The following PSMA8 variants were observed in gnomAD, a reference collection of about 807,000 sequenced individuals.
PSMA8 encodes proteasome subunit alpha-type 8.
PSMA8 carries 18 observed loss-of-function variants against 32.4 expected under a neutral mutation model. That is an observed-to-expected ratio of 0.56 (90% confidence interval 0.38 to 0.82). The LOEUF (loss-of-function observed/expected upper bound fraction) is 0.82, where lower values mean the gene tolerates loss of function less well. Ranked by LOEUF, PSMA8 falls within the 40% of genes least tolerant of loss-of-function variation. PSMA8 has a pLI of 0.00. For synonymous variants in PSMA8, 104 were observed against 98.1 expected (o/e 1.06, Z -0.36); for missense variants, 298 against 300.7 (o/e 0.99, Z 0.07).
intron 2 of PSMA8, among the ~76,000 whole-genome samples, chr18:26,146,195 G>GT (rs2144282623): frequency 6.8e-6 from 1 of 148,056 alleles, no homozygotes; most frequent in African/African-American, 2.5e-5. Flanking sequence ...CTTCTGATTG[G>GT]GTTTTTTTTT....
At chr18:26,182,682 T>C (rs1407616197) in intron 6 of PSMA8, among the ~76,000 whole-genome samples, 1 of 152,202 alleles carries the variant, frequency 6.6e-6, no homozygotes. Context: ...TCAAGAAATA[T>C]GGCCAGGCAT....
chr18:26,150,450 G>A (rs780422727), intron 2 of PSMA8, among the ~76,000 whole-genome samples: 2 of 151,494 alleles, frequency 1.3e-5, no homozygotes, highest in South Asian at 2.1e-4. Flanking sequence ...CAATCCCCCC[G>A]CCGCAGCCTC....
At chr18:26,142,379 C>T (rs1244712435) in intron 1 of PSMA8, among the ~76,000 whole-genome samples, 1 of 152,072 alleles carries the variant, frequency 6.6e-6, no homozygotes, top group Non-Finnish European at 1.5e-5. Context: ...GACTACAAAG[C>T]AATTATAAAC....
At chr18:26,177,466 G>A (rs539069966) in intron 4 of PSMA8, among the ~76,000 whole-genome samples, 1 of 152,266 alleles carries the variant, frequency 6.6e-6, no homozygotes, top group South Asian at 2.1e-4. Context: ...TTTTGTGATG[G>A]TTAGATGAGA....
chr18:26,158,477 G>A (rs951621549), intron 4 of PSMA8, among the ~76,000 whole-genome samples: 1 of 152,102 alleles, frequency 6.6e-6, no homozygotes, highest in African/African-American at 2.4e-5. Flanking sequence ...GTTTATAAAT[G>A]GCCAAGTAAG....
chr18:26,163,211 GTGTATATATA>G (rs1352634665), intron 4 of PSMA8, among the ~76,000 whole-genome samples: 2 of 94,636 alleles, frequency 2.1e-5, no homozygotes, highest in Admixed American at 1.2e-4. Context: ...TTATGTGTGT[GTGTATATATA>G]TATATATATA....
At chr18:26,183,266 C>T (rs1376286100) in intron 6 of PSMA8, among the ~76,000 whole-genome samples, 1 of 147,666 alleles carries the variant, frequency 6.8e-6, no homozygotes, top group African/African-American at 2.5e-5. Flanking sequence ...GTGGTGGGCA[C>T]CTGTAATCCC....
chr18:26,134,343 GTGTGTGTGTGTGTGTGTGTGTCTC>G (rs1390864408), intron 1 of PSMA8, among the ~76,000 whole-genome samples: 31 of 141,674 alleles, frequency 2.2e-4, no homozygotes, highest in Admixed American at 1.7e-3. Flanking sequence ...GTGTGTGGGT[GTGTGTGTGTGTGTGTGTGTGTCTC>G]TGTGTGTGTG....
intron 4 of PSMA8, chr18:26,170,771 C>T: frequency 2.6e-6 from 4 of 1,549,526 alleles, no homozygotes; most frequent in Non-Finnish European, 3.4e-6. Context: ...TGCCTTTCTC[C>T]TCCTGGACAT....
Position 26,171,375 on chromosome 18 carries a change from A to G in PSMA8, c.478-7455A>G, listed in dbSNP as rs541465551. The G allele has an allele frequency of 1.4e-4, 185 of 1,313,102 alleles. 11 individuals carry two copies. Among genetic ancestry groups the G allele is most frequent in the South Asian group, 2.6e-4 (22 of 84,262 alleles). The allele number at this position is 1,313,102 out of a possible 1,614,324, so 81.3% of individuals were successfully genotyped here. ...GAAATTGTCGGTATTTTGTTATGAC[A>G]TACCAAGCAGACTAATATAACGTGT... On this transcript the variant is annotated intron_variant, in intron 4 of 6. Transcript: ENST00000415576.
intron 1 of PSMA8, among the ~76,000 whole-genome samples, chr18:26,143,644 T>C (rs2054977136): frequency 1.3e-5 from 2 of 152,158 alleles, no homozygotes; most frequent in African/African-American, 4.8e-5. Context: ...TTTGCAAACG[T>C]TTATTCTTTG....
At chr18:26,164,484 C>A (rs753388594) in intron 4 of PSMA8, among the ~76,000 whole-genome samples, 39 of 152,146 alleles carry the variant, frequency 2.6e-4, no homozygotes, top group Non-Finnish European at 5.1e-4. Flanking sequence ...GCATTATATG[C>A]GTCCTGCTGT....
At chr18:26,159,666 G>C (rs2055119819) in intron 4 of PSMA8, among the ~76,000 whole-genome samples, 1 of 152,032 alleles carries the variant, frequency 6.6e-6, no homozygotes, top group South Asian at 2.1e-4. Flanking sequence ...GGGACGTACA[G>C]AGAAGTATTT....
chr18:26,169,037 A>G (rs2055201275), intron 4 of PSMA8, among the ~76,000 whole-genome samples: 1 of 131,192 alleles, frequency 7.6e-6, no homozygotes, highest in South Asian at 2.2e-4. Context: ...GCTGGAGTGC[A>G]GTGGCACAAT....
intron 4 of PSMA8, among the ~76,000 whole-genome samples, chr18:26,163,600 C>T (rs934884522): frequency 3.9e-5 from 6 of 152,132 alleles, no homozygotes; most frequent in East Asian, 1.9e-4. Flanking sequence ...AACGTGACTA[C>T]GCTACAGCAA....
intron 3 of PSMA8, 73 bp from the exon 4 acceptor site, chr18:26,158,049 G>A: frequency 3.0e-6 from 3 of 994,438 alleles, no homozygotes; most frequent in Non-Finnish European, 3.0e-6. Flanking sequence ...CATTTGGGCA[G>A]CAATGCTTTA....
intron 4 of PSMA8, among the ~76,000 whole-genome samples, chr18:26,167,538 A>C (rs1288364203): frequency 6.6e-6 from 1 of 152,200 alleles, no homozygotes; most frequent in East Asian, 1.9e-4. Flanking sequence ...CCTAACCCCC[A>C]AAAATAGGGC....
At chr18:26,180,344 G>A (rs2055300367) in intron 6 of PSMA8, among the ~76,000 whole-genome samples, 1 of 152,134 alleles carries the variant, frequency 6.6e-6, no homozygotes, top group African/African-American at 2.4e-5. Flanking sequence ...CTGGAGCACT[G>A]GGGTTTTTTG....
chr18:26,153,991 G>A lies in PSMA8; in HGVS notation c.354+2009G>A, dbSNP rs1204287685. 4.6e-5 allele frequency among the ~76,000 whole-genome samples: 7 copies of A among 151,914 alleles called. No individual in the cohort carries two copies. The South Asian group carries it at 6.3e-4, about 14-fold the overall frequency. ...ATCTCAGCTCCCTGCAACCTCTGCC[G>A]CACAGGTTCAAGCAATGCTTATACC... On this transcript the variant is annotated intron_variant, in intron 3 of 6. Coordinates refer to ENST00000415576, the MANE Select transcript of PSMA8 (RefSeq NM_001025096.2).
Sources: allele counts gnomAD v4.1 joint callset (sites outside exome capture counted in the v4.1 genomes callset), GRCh38; gene constraint gnomAD v4.1.1; transcripts MANE v1.5; gene names NCBI Gene and HGNC (gene_info 2026-07-23, HGNC 2026-07-21).